Variants in CYSTM1 observed in about 807,000 individuals in gnomAD.
CYSTM1 encodes cysteine-rich transmembrane module-containing protein 1.
CYSTM1 carries 4 observed loss-of-function variants against 13.1 expected under a neutral mutation model. That is an observed-to-expected ratio of 0.31 (90% CI 0.15 to 0.70). The LOEUF (loss-of-function observed/expected upper bound fraction) is 0.70, where lower values mean the gene tolerates loss of function less well. Ranked by LOEUF, CYSTM1 falls within the 30% of genes least tolerant of loss-of-function variation. The probability of loss-of-function intolerance (pLI) is 0.72; values close to 1 mark genes in which losing one functional copy is unlikely to be tolerated. For missense variants in CYSTM1, 96 were observed against 121.6 expected (o/e 0.79, Z 0.99); for synonymous variants, 36 against 42.7 (o/e 0.84, Z 0.62).
chr5:140,193,307 G>A (rs1049785782), intron 1 of CYSTM1, among the ~76,000 whole-genome samples: 16 of 151,960 alleles, frequency 1.1e-4, no homozygotes, highest in African/African-American at 3.4e-4. Flanking sequence ...TTTTTGAGAC[G>A]GAGTCTCACT....
Position 140,240,369 on chromosome 5 carries a change from C to G in CYSTM1, c.188-2936C>G, listed in dbSNP as rs546332699. On this transcript the variant is annotated intron_variant, in intron 2 of 2. Coordinates refer to ENST00000261811, the MANE Select transcript of CYSTM1 (RefSeq NM_032412.4). ...TGCTTGGCTGTAGAGGAGGCAGTTG[C>G]CAGGATGGCCCATCTCTGGTTGTGG... Among the ~76,000 whole-genome samples the G allele has an allele frequency of 4.2e-3, 637 of 151,760 alleles. 6 individuals carry two copies. Among genetic ancestry groups the G allele is most frequent in the African/African-American group, 0.015 (608 of 41,338 alleles).
chr5:140,193,151 C>T (rs1764112468), intron 1 of CYSTM1, among the ~76,000 whole-genome samples: 1 of 152,152 alleles, frequency 6.6e-6, no homozygotes, highest in Admixed American at 6.5e-5. Flanking sequence ...AGAAGACACT[C>T]AAATAGGTAA....
chr5:140,214,893 G>A (rs968945209), intron 2 of CYSTM1, among the ~76,000 whole-genome samples: 1 of 152,212 alleles, frequency 6.6e-6, no homozygotes, highest in Non-Finnish European at 1.5e-5. Flanking sequence ...GGGACCATCC[G>A]AGGTGACACG....
chr5:140,238,379 A>G (rs1278651459), intron 2 of CYSTM1, among the ~76,000 whole-genome samples: 1 of 152,196 alleles, frequency 6.6e-6, no homozygotes, highest in Non-Finnish European at 1.5e-5. Flanking sequence ...GATGAAAACT[A>G]CAGACCCTTG....
chr5:140,226,705 G>A (rs1228484061), intron 2 of CYSTM1, among the ~76,000 whole-genome samples: 1 of 144,050 alleles, frequency 6.9e-6, no homozygotes, highest in Non-Finnish European at 1.5e-5. Context: ...GGCAGAGGTT[G>A]CAGTGAGCCG....
At chr5:140,201,220 T>C (rs1405228866) in intron 2 of CYSTM1, 1 of 152,206 alleles carries the variant, frequency 6.6e-6, no homozygotes, top group Non-Finnish European at 1.5e-5. Context: ...TTGGTGACCG[T>C]CTGTGCAAAC....
chr5:140,217,612 A>G (rs1764442748), intron 2 of CYSTM1, among the ~76,000 whole-genome samples: 1 of 152,172 alleles, frequency 6.6e-6, no homozygotes, highest in Non-Finnish European at 1.5e-5. Context: ...TAGAAAATTC[A>G]GAGTACGCCA....
At chr5:140,179,410 C>G (rs1171384393) in intron 1 of CYSTM1, among the ~76,000 whole-genome samples, 1 of 151,648 alleles carries the variant, frequency 6.6e-6, no homozygotes, top group Non-Finnish European at 1.5e-5. Flanking sequence ...ATTACAAAAA[C>G]TAGCTGAGCA....
At chr5:140,223,881 T>C (rs1021940153) in intron 2 of CYSTM1, among the ~76,000 whole-genome samples, 1 of 152,090 alleles carries the variant, frequency 6.6e-6, no homozygotes. Flanking sequence ...TCCTGGAGGG[T>C]GGCTGGTGTC....
chr5:140,227,673 T>A (rs1764573338), intron 2 of CYSTM1, among the ~76,000 whole-genome samples: 1 of 152,098 alleles, frequency 6.6e-6, no homozygotes, highest in African/African-American at 2.4e-5. Flanking sequence ...GAGCCCAGAT[T>A]GGTCAGTGCC....
chr5:140,197,084 C>T (rs1238641388), intron 2 of CYSTM1, among the ~76,000 whole-genome samples: 1 of 152,172 alleles, frequency 6.6e-6, no homozygotes, highest in Non-Finnish European at 1.5e-5. Flanking sequence ...AGGTCTTTCA[C>T]CTATAGCCCT....
chr5:140,183,952 C>G (rs1381736119), intron 1 of CYSTM1, among the ~76,000 whole-genome samples: 1 of 152,194 alleles, frequency 6.6e-6, no homozygotes, highest in Non-Finnish European at 1.5e-5. Flanking sequence ...TTGGAAGCAT[C>G]TAGGAGCATG....
intron 1 of CYSTM1, among the ~76,000 whole-genome samples, chr5:140,178,886 G>T (rs1487269200): frequency 6.6e-6 from 1 of 152,010 alleles, no homozygotes; most frequent in Non-Finnish European, 1.5e-5. Flanking sequence ...ACAGGCATGA[G>T]CTACCATGCC....
At chr5:140,201,932 C>CTTTTT (rs10570721) in intron 2 of CYSTM1, 5 of 91,938 alleles carry the variant, frequency 5.4e-5, no homozygotes, top group African/African-American at 2.3e-4. Context: ...CTCTAATACT[C>CTTTTT]TTTTTTTTTT....
chr5:140,233,129 A>C (rs1581073299), intron 2 of CYSTM1, among the ~76,000 whole-genome samples: 1 of 152,336 alleles, frequency 6.6e-6, no homozygotes, highest in Middle Eastern at 3.4e-3. Context: ...TGGTTGAGGC[A>C]AAGAGGAACC....
intron 1 of CYSTM1, among the ~76,000 whole-genome samples, chr5:140,181,278 A>G (rs547572416): frequency 2.6e-4 from 40 of 152,082 alleles, no homozygotes; most frequent in Non-Finnish European, 5.0e-4. Context: ...TCCTGCTGCC[A>G]CTAGCTTCCT....
chr5:140,219,433 C>T lies in CYSTM1; in HGVS notation c.188-23872C>T. Among the ~76,000 whole-genome samples the T allele has an allele frequency of 6.6e-6, 1 of 152,126 alleles. No homozygotes were observed. Among genetic ancestry groups the T allele is most frequent in the East Asian group, 1.9e-4 (1 of 5,188 alleles). On this transcript the variant is annotated intron_variant, in intron 2 of 2. Coordinates refer to ENST00000261811, the MANE Select transcript of CYSTM1 (RefSeq NM_032412.4). This position sits in a 1 kb window ranked among gnomAD's most constrained non-coding sequence, Gnocchi z 4.1. ...GTAGAGGGGAGGGGTGGGAGACAGTCCTTACAAGTGAGGGTTGCCCCCGAA... is the reference window on the plus strand; with the variant it reads ...GTAGAGGGGAGGGGTGGGAGACAGTTCTTACAAGTGAGGGTTGCCCCCGAA...
At chr5:140,208,798 G>A (rs1764328783) in intron 2 of CYSTM1, among the ~76,000 whole-genome samples, 2 of 152,130 alleles carry the variant, frequency 1.3e-5, no homozygotes, top group Non-Finnish European at 2.9e-5. Context: ...CCAGCACTTT[G>A]GGAGGCCGAG....
intron 2 of CYSTM1, among the ~76,000 whole-genome samples, chr5:140,234,949 G>T (rs1384934320): frequency 2.0e-5 from 3 of 150,184 alleles, no homozygotes; most frequent in African/African-American, 7.4e-5. Flanking sequence ...CTTCTGCCTG[G>T]TATATCAGCC....
Sources: gnomAD v4.1 joint callset for allele counts (sites outside exome capture counted in the v4.1 genomes callset) on GRCh38, gnomAD v4.1.1 for gene constraint, Gnocchi (gnomAD v3.1) non-coding constraint, MANE v1.5 for transcripts, NCBI Gene and HGNC (gene_info 2026-07-23, HGNC 2026-07-21) for gene names.